The following ICA1 variants were observed in gnomAD, a reference collection of about 807,000 sequenced individuals.
The protein encoded by ICA1 is 69 kDa islet cell autoantigen.
A neutral mutation model predicts 71.0 loss-of-function variants in ICA1; 40 were observed. The observed-to-expected ratio is 0.56, with a 90% CI of 0.44 to 0.73. ICA1 has a LOEUF of 0.73. Ranked by LOEUF, ICA1 falls within the 30% of genes least tolerant of loss-of-function variation. The probability of loss-of-function intolerance (pLI) is 0.00; values close to 1 mark genes in which losing one functional copy is unlikely to be tolerated. For missense variants in ICA1, 578 were observed against 576.5 expected (o/e 1.00, Z -0.03); for synonymous variants, 207 against 209.5 (o/e 0.99, Z 0.10).
intron 6 of ICA1, among the ~76,000 whole-genome samples, chr7:8,199,178 A>T (rs1788695135): frequency 2.0e-5 from 3 of 152,240 alleles, no homozygotes; most frequent in Admixed American, 1.3e-4. Context: ...GGTTCCTCAG[A>T]AAACTAAAAG....
chr7:8,154,680 A>C (rs1178416622), intron 8 of ICA1, among the ~76,000 whole-genome samples: 1 of 152,226 alleles, frequency 6.6e-6, no homozygotes, highest in African/African-American at 2.4e-5. Flanking sequence ...ATTCAGAATA[A>C]AATTTTATAT....
chr7:8,205,517 ATG>A (rs1247145727), intron 6 of ICA1, among the ~76,000 whole-genome samples: 1 of 152,206 alleles, frequency 6.6e-6, no homozygotes, highest in Non-Finnish European at 1.5e-5. Context: ...TAGAATCTGC[ATG>A]TGTTTCCATT....
intron 6 of ICA1, among the ~76,000 whole-genome samples, chr7:8,161,799 A>G (rs376215852): frequency 6.6e-6 from 1 of 152,352 alleles, no homozygotes; most frequent in East Asian, 1.9e-4. Flanking sequence ...GAGCCCACAA[A>G]GACGAGAATG....
At chr7:8,206,068 T>C (rs1791439836) in intron 6 of ICA1, among the ~76,000 whole-genome samples, 2 of 151,434 alleles carry the variant, frequency 1.3e-5, no homozygotes, top group African/African-American at 2.4e-5. Flanking sequence ...ATGCTAAACA[T>C]AGAACATGTT....
At chr7:8,243,675 C>G (rs145551866) in intron 1 of ICA1, among the ~76,000 whole-genome samples, 69 of 152,360 alleles carry the variant, frequency 4.5e-4, no homozygotes, top group African/African-American at 1.5e-3. Context: ...ACCCCATTGT[C>G]TCAGCCCCAA....
chr7:8,252,800 A>G (rs1452136099), intron 1 of ICA1, among the ~76,000 whole-genome samples: 1 of 151,462 alleles, frequency 6.6e-6, no homozygotes. Flanking sequence ...ACTTTTTTAT[A>G]TTTTACGTTG....
intron 1 of ICA1, among the ~76,000 whole-genome samples, chr7:8,256,859 C>T (rs889366233): frequency 6.6e-6 from 1 of 152,214 alleles, no homozygotes; most frequent in African/African-American, 2.4e-5. Context: ...CTACCACTTA[C>T]CAAGCACTTT....
At chr7:8,232,392 A>G (rs1015934361) in intron 3 of ICA1, among the ~76,000 whole-genome samples, 198 bp downstream of exon 3, 3 of 152,366 alleles carry the variant, frequency 2.0e-5, no homozygotes, top group Non-Finnish European at 2.9e-5. Flanking sequence ...TGTTCTTAAA[A>G]TACAGAGTAA....
chr7:8,230,105 CATCTA>C (rs575865384), intron 3 of ICA1, among the ~76,000 whole-genome samples: 134 of 152,360 alleles, frequency 8.8e-4, no homozygotes, highest in African/African-American at 3.0e-3. Flanking sequence ...ACATTTCCAT[CATCTA>C]ATCAGTCCAC....
intron 5 of ICA1, 88 bp downstream of exon 5, chr7:8,221,187 G>T: frequency 6.5e-7 from 1 of 1,544,612 alleles, no homozygotes; most frequent in Admixed American, 1.7e-5. Flanking sequence ...TCCTTCTAAA[G>T]AACACTGTGA....
intron 1 of ICA1, among the ~76,000 whole-genome samples, chr7:8,239,847 G>A (rs1310050182): frequency 6.6e-6 from 1 of 152,242 alleles, no homozygotes; most frequent in Non-Finnish European, 1.5e-5. Flanking sequence ...GCTGGGGCAG[G>A]GGCGTCTGCC....
At chr7:8,241,076 T>C (rs554015656) in intron 1 of ICA1, among the ~76,000 whole-genome samples, 5 of 152,150 alleles carry the variant, frequency 3.3e-5, no homozygotes, top group African/African-American at 7.2e-5. Context: ...ACCACAGAGA[T>C]ACTCCTTGAG....
chr7:8,197,811 T>A (rs1037461640), intron 6 of ICA1, among the ~76,000 whole-genome samples: 2 of 151,722 alleles, frequency 1.3e-5, no homozygotes, highest in African/African-American at 4.8e-5. Flanking sequence ...GAAAGCTAAA[T>A]CCAAATCTGG....
chr7:8,213,039 A>T (rs1391206577), intron 6 of ICA1, among the ~76,000 whole-genome samples: 2 of 152,188 alleles, frequency 1.3e-5, no homozygotes, highest in African/African-American at 4.8e-5. Flanking sequence ...GCAGCAACCC[A>T]CGGGTGGGGT....
chr7:8,240,020 T>A lies in ICA1; in HGVS notation c.-79-4015A>T, dbSNP rs966093888. Among the ~76,000 whole-genome samples, 3 of 152,336 alleles carry A rather than the reference T, an allele frequency of 2.0e-5. No homozygotes were observed. The South Asian group carries it at 6.2e-4, about 32-fold the overall frequency. ...AAACTTCTGCAGACTTAAACGTCCC[T>A]GTCTGACAGCTCTGAAGAGAGCAGT... On this transcript the variant is annotated intron_variant, in intron 1 of 13. Transcript: ENST00000402384.
intron 6 of ICA1, among the ~76,000 whole-genome samples, chr7:8,163,510 C>T (rs1352727256): frequency 6.6e-6 from 1 of 152,150 alleles, no homozygotes; most frequent in Admixed American, 6.5e-5. Context: ...ATCGATAGTA[C>T]ATTGGGTATA....
chr7:8,187,339 G>C (rs980683224), intron 6 of ICA1, among the ~76,000 whole-genome samples: 188 of 152,266 alleles, frequency 1.2e-3, no homozygotes, highest in African/African-American at 4.2e-3. Context: ...ATAAGTGTTT[G>C]TGTATCTGAA....
rs774298747 is a variant in ICA1, at chr7:8,143,922, TTTC to T, written c.852_854del (p.Lys285del). 6.8e-6 allele frequency: 11 copies of T among 1,613,196 alleles called. No homozygotes were observed. The highest frequency in any genetic ancestry group is 1.7e-4 in the Middle Eastern group (1 of 6,052). On this transcript the variant is annotated inframe_deletion, in exon 9 of 14. Coordinates refer to ENST00000402384, the MANE Select transcript of ICA1 (RefSeq NM_001136020.3). ...CATCTGTACTTTCCTGCTGGTTGAT[TTTC>T]TTCTTCTCTTCTTTCTCAACTAATT...
chr7:8,214,090 T>C (rs770376167), intron 6 of ICA1, among the ~76,000 whole-genome samples: 1 of 152,246 alleles, frequency 6.6e-6, no homozygotes, highest in Non-Finnish European at 1.5e-5. Context: ...CAGACTCCTA[T>C]AAATGCCCAC....
Sources: gnomAD v4.1 joint callset for allele counts (sites outside exome capture counted in the v4.1 genomes callset) on GRCh38, gnomAD v4.1.1 for gene constraint, MANE v1.5 for transcripts, NCBI Gene and HGNC (gene_info 2026-07-23, HGNC 2026-07-21) for gene names.